The following PCGF5 variants were observed in gnomAD, a reference collection of about 807,000 sequenced individuals.
PCGF5 encodes polycomb group RING finger protein 5.
A neutral mutation model predicts 44.3 loss-of-function variants in PCGF5; 9 were observed. The observed-to-expected ratio is 0.20, with a 90% CI of 0.12 to 0.35. The LOEUF (loss-of-function observed/expected upper bound fraction) is 0.35, where lower values mean the gene tolerates loss of function less well. Among genes scored for constraint, PCGF5 ranks in the 10% least tolerant of loss-of-function variants. PCGF5 has a pLI of 1.00. For synonymous variants in PCGF5, 95 were observed against 102.5 expected (o/e 0.93, Z 0.44); for missense variants, 146 against 305.3 (o/e 0.48, Z 3.89).
At chr10:91,173,745 C>G (rs1029527937) in intron 1 of PCGF5, among the ~76,000 whole-genome samples, 2 of 151,944 alleles carry the variant, frequency 1.3e-5, no homozygotes, top group South Asian at 2.1e-4. Context: ...ATTTCTTAAA[C>G]TGTGAATTTA....
At chr10:91,251,097 ATT>A (rs34772046) in intron 5 of PCGF5, among the ~76,000 whole-genome samples, 193 bp from the exon 6 acceptor site, 18,865 of 138,642 alleles carry the variant, frequency 0.14, 2,184 homozygotes, top group African/African-American at 0.32. Context: ...TAAGTTTCCA[ATT>A]TTTTTTTTTT....
intron 1 of PCGF5, among the ~76,000 whole-genome samples, chr10:91,170,321 G>A (rs1843581343): frequency 6.6e-6 from 1 of 152,046 alleles, no homozygotes; most frequent in South Asian, 2.1e-4. Flanking sequence ...ATTGTCAAGA[G>A]AATAAAAAGA....
At chr10:91,195,471 C>CATATATATATATGCATGCAT (rs1844114730) in intron 1 of PCGF5, among the ~76,000 whole-genome samples, 1 of 138,752 alleles carries the variant, frequency 7.2e-6, no homozygotes, top group Non-Finnish European at 1.5e-5. Context: ...TATATGCATG[C>CATATATATATATGCATGCAT]ATATATATAT....
chr10:91,263,000 T>C (rs2133420950), intron 7 of PCGF5, among the ~76,000 whole-genome samples: 1 of 152,338 alleles, frequency 6.6e-6, no homozygotes, highest in South Asian at 2.1e-4. Context: ...TTCTGGCATG[T>C]ATATATTTCG....
At chr10:91,183,501 A>G (rs1843860939) in intron 1 of PCGF5, among the ~76,000 whole-genome samples, 1 of 151,630 alleles carries the variant, frequency 6.6e-6, no homozygotes, top group South Asian at 2.1e-4. Flanking sequence ...CACATCGATG[A>G]ATTTTGACTC....
intron 1 of PCGF5, among the ~76,000 whole-genome samples, chr10:91,207,494 C>G (rs1024918388): frequency 5.3e-5 from 8 of 152,164 alleles, no homozygotes; most frequent in African/African-American, 1.9e-4. Context: ...TGACCCTTTA[C>G]CTCTAAATAC....
chr10:91,168,832 G>A (rs1163530220), intron 1 of PCGF5, among the ~76,000 whole-genome samples: 1 of 149,408 alleles, frequency 6.7e-6, no homozygotes, highest in Non-Finnish European at 1.5e-5. Context: ...GGCTGCTGAG[G>A]CAGGAGAATC....
At chr10:91,203,828 CAA>C (rs1844296309) in intron 1 of PCGF5, among the ~76,000 whole-genome samples, 1 of 152,012 alleles carries the variant, frequency 6.6e-6, no homozygotes, top group Non-Finnish European at 1.5e-5. Flanking sequence ...ACAACAAAAA[CAA>C]GTGTATATAT....
chr10:91,162,911 C>T (rs1183731997), upstream of PCGF5: 1 of 145,614 alleles, frequency 6.9e-6, no homozygotes, highest in African/African-American at 2.5e-5. Flanking sequence ...CTCTGCTCTC[C>T]TCGCGCCCGC....
chr10:91,278,562 T>C lies in PCGF5; in HGVS notation c.*246T>C. On this transcript the variant is annotated 3_prime_UTR_variant, in exon 10 of 10. Transcript: ENST00000336126. ...GTGTTGTCTCAAAGTGTGCAAGTCA[T>C]GGTAAAAATCAGTTAGCTGTGCCGC... 2.3e-6 allele frequency: 1 copy of C among 444,144 alleles called. No homozygotes were observed. The allele number at this position is 444,144 out of a possible 1,614,324, so 27.5% of individuals were successfully genotyped here.
chr10:91,264,812 A>G (rs1051731457), intron 8 of PCGF5, among the ~76,000 whole-genome samples: 85 of 152,264 alleles, frequency 5.6e-4, no homozygotes, highest in African/African-American at 2.0e-3. Context: ...AAACCCAATA[A>G]GTTGTTGGAA....
intron 6 of PCGF5, 119 bp from the exon 7 acceptor site, chr10:91,261,207 C>A: frequency 8.2e-7 from 1 of 1,223,974 alleles, no homozygotes; most frequent in Non-Finnish European, 1.1e-6. Flanking sequence ...AATGTTTTCA[C>A]AATACATTTT....
intron 1 of PCGF5, among the ~76,000 whole-genome samples, chr10:91,175,300 G>C (rs1001539798): frequency 7.9e-5 from 12 of 152,116 alleles, no homozygotes; most frequent in Non-Finnish European, 4.4e-5. Context: ...ACTGAAAAAG[G>C]AATTTAATGA....
intron 2 of PCGF5, chr10:91,227,753 C>T (rs1057971): frequency 0.064 from 63,717 of 999,840 alleles, 3,302 homozygotes; most frequent in African/African-American, 0.25. Flanking sequence ...TTCTGCCTAC[C>T]ACTTCCTCCC....
chr10:91,190,097 A>C (rs1206764088), intron 1 of PCGF5, among the ~76,000 whole-genome samples: 2 of 152,238 alleles, frequency 1.3e-5, no homozygotes, highest in African/African-American at 4.8e-5. Context: ...GGAAAACCCA[A>C]CATCAAGGCA....
chr10:91,221,169 G>T (rs150600510), intron 1 of PCGF5, among the ~76,000 whole-genome samples: 1 of 152,140 alleles, frequency 6.6e-6, no homozygotes, highest in Admixed American at 6.5e-5. Flanking sequence ...GCTGGGTCCT[G>T]CCGGAGAACG....
chr10:91,221,165 T>A (rs1844666134), intron 1 of PCGF5, among the ~76,000 whole-genome samples: 1 of 152,012 alleles, frequency 6.6e-6, no homozygotes, highest in African/African-American at 2.4e-5. Flanking sequence ...TACCGCTGGG[T>A]CCTGCCGGAG....
intron 2 of PCGF5, among the ~76,000 whole-genome samples, chr10:91,233,421 TAAAAA>T (rs1262682682): frequency 6.6e-6 from 1 of 151,266 alleles, no homozygotes; most frequent in African/African-American, 2.4e-5. Context: ...AAAATAAAAA[TAAAAA>T]AAAATAAAGT....
chr10:91,220,327 G>A (rs1472014680), upstream of PCGF5: 1 of 152,188 alleles, frequency 6.6e-6, no homozygotes, highest in Non-Finnish European at 1.5e-5. Context: ...AAATTCTCAG[G>A]GTGCGTCAGT....
Sources: gnomAD v4.1 joint callset for allele counts (sites outside exome capture counted in the v4.1 genomes callset) on GRCh38, gnomAD v4.1.1 for gene constraint, MANE v1.5 for transcripts, NCBI Gene and HGNC (gene_info 2026-07-23, HGNC 2026-07-21) for gene names.